The following GRIK3 variants were observed in gnomAD, a reference collection of about 807,000 sequenced individuals.
GRIK3 encodes glutamate receptor ionotropic, kainate 3.
In GRIK3, 29 loss-of-function variants were observed where a neutral mutation model predicts 102.5. The ratio of observed to expected loss-of-function variants is 0.28; its 90% CI spans 0.21 to 0.39. GRIK3 has a LOEUF of 0.39. Ranked by LOEUF, GRIK3 falls within the 10% of genes least tolerant of loss-of-function variation. The pLI, the probability that GRIK3 is intolerant of heterozygous loss-of-function variation, is 1.00. For synonymous variants in GRIK3, 511 were observed against 504.9 expected, an observed-to-expected ratio of 1.01 and a Z score of -0.16; for missense variants, 908 against 1,252.4, an observed-to-expected ratio of 0.73 and a Z score of 4.15.
rs572082116 is a variant in GRIK3 at position 36,819,077 on chromosome 1, A to C, written c.1873+659T>G. Among the ~76,000 whole-genome samples, 1 of 152,328 alleles carries C rather than the reference A, an allele frequency of 6.6e-6. No homozygotes were observed. The highest frequency in any genetic ancestry group is 1.9e-4 in the East Asian group (1 of 5,190). On this transcript the variant is annotated intron_variant, in intron 12 of 15. Coordinates refer to ENST00000373091, the MANE Select transcript of GRIK3 (RefSeq NM_000831.4). This position sits in a 1 kb window ranked among gnomAD's most constrained non-coding sequence, Gnocchi z 4.1. ...TTAGAGCAGGTGCTCTGCTGCAGATAGTTCCAAAGCACATTGGCCCTCCCT... is the reference window on the plus strand; with the variant it reads ...TTAGAGCAGGTGCTCTGCTGCAGATCGTTCCAAAGCACATTGGCCCTCCCT...
chr1:36,915,960 TG>T (rs1446977666), intron 1 of GRIK3, among the ~76,000 whole-genome samples: 1 of 152,088 alleles, frequency 6.6e-6, no homozygotes, highest in African/African-American at 2.4e-5. Flanking sequence ...GGGCAGAGGT[TG>T]GAAAAATTTG....
intron 1 of GRIK3, among the ~76,000 whole-genome samples, chr1:36,975,308 T>TTTTTTTTTTTTTTTTTTTTTTTGTG: frequency 6.7e-6 from 1 of 149,342 alleles, no homozygotes; most frequent in African/African-American, 2.5e-5. Flanking sequence ...TTTTTTTTTT[T>TTTTTTTTTTTTTTTTTTTTTTTGTG]GAGAGGGAGT....
At chr1:36,931,200 A>G (rs746828751) in intron 1 of GRIK3, among the ~76,000 whole-genome samples, 12 of 152,142 alleles carry the variant, frequency 7.9e-5, no homozygotes, top group Non-Finnish European at 1.6e-4. Flanking sequence ...ACCTGAGATG[A>G]CTCTTAATAA....
At chr1:36,992,879 A>T (rs1219867117) in intron 1 of GRIK3, among the ~76,000 whole-genome samples, 1 of 152,188 alleles carries the variant, frequency 6.6e-6, no homozygotes, top group African/African-American at 2.4e-5. Flanking sequence ...TTGGAACTGG[A>T]CAGTCTGATC....
At chr1:36,840,236 A>AG (rs1421000243) in intron 10 of GRIK3, among the ~76,000 whole-genome samples, 3 of 151,808 alleles carry the variant, frequency 2.0e-5, no homozygotes, top group African/African-American at 7.3e-5. Flanking sequence ...AAGGAATCTA[A>AG]GGGGTCCAGT....
intron 1 of GRIK3, among the ~76,000 whole-genome samples, chr1:36,936,114 T>G (rs1022205659): frequency 6.6e-6 from 1 of 152,178 alleles, no homozygotes; most frequent in African/African-American, 2.4e-5. Flanking sequence ...CCACCCCTTC[T>G]TTGTCAAAGA....
At chr1:36,962,040 A>G (rs1395711645) in intron 1 of GRIK3, among the ~76,000 whole-genome samples, 1 of 152,164 alleles carries the variant, frequency 6.6e-6, no homozygotes, top group Non-Finnish European at 1.5e-5. Context: ...GGGAAGACAC[A>G]GAAAAATTCA....
At chr1:37,030,525 C>T (rs1642812325) in intron 1 of GRIK3, among the ~76,000 whole-genome samples, 1 of 137,316 alleles carries the variant, frequency 7.3e-6, no homozygotes, top group Non-Finnish European at 1.5e-5. Context: ...GCCAACCCTT[C>T]CTTTTCCCCA....
intron 1 of GRIK3, among the ~76,000 whole-genome samples, chr1:36,994,020 C>A (rs1000671783): frequency 1.3e-5 from 2 of 152,198 alleles, no homozygotes; most frequent in African/African-American, 4.8e-5. Flanking sequence ...CCACCACAAC[C>A]ACACTTCACC....
At chr1:36,954,106 C>T (rs1244410447) in intron 1 of GRIK3, among the ~76,000 whole-genome samples, 3 of 152,184 alleles carry the variant, frequency 2.0e-5, no homozygotes, top group African/African-American at 7.2e-5. Flanking sequence ...ATCCTTTCCG[C>T]TGGGGAACCA....
At chr1:36,903,765 A>G (rs1431170081) in intron 1 of GRIK3, among the ~76,000 whole-genome samples, 2 of 152,222 alleles carry the variant, frequency 1.3e-5, no homozygotes, top group Non-Finnish European at 2.9e-5. Flanking sequence ...TGGAAAAGGC[A>G]TAACTATGGA....
At chr1:36,989,860 A>G (rs1017253538) in intron 1 of GRIK3, among the ~76,000 whole-genome samples, 1 of 152,170 alleles carries the variant, frequency 6.6e-6, no homozygotes, top group Non-Finnish European at 1.5e-5. Flanking sequence ...CCCCACTTTT[A>G]CTGAGCAATC....
At chr1:36,903,745 A>G (rs1297714876) in intron 1 of GRIK3, among the ~76,000 whole-genome samples, 2 of 152,254 alleles carry the variant, frequency 1.3e-5, no homozygotes, top group East Asian at 1.9e-4. Flanking sequence ...GATTTCAACT[A>G]CTGACATTCT....
chr1:36,823,472 C>CAAAAAAAAAAAAAA (rs71053954), intron 11 of GRIK3, among the ~76,000 whole-genome samples: 1 of 38,098 alleles, frequency 2.6e-5, no homozygotes, highest in East Asian at 1.2e-3. Flanking sequence ...GACTCCGTCT[C>CAAAAAAAAAAAAAA]AAAAAAAAAA....
At chr1:36,989,667 T>C (rs1642344246) in intron 1 of GRIK3, among the ~76,000 whole-genome samples, 1 of 152,082 alleles carries the variant, frequency 6.6e-6, no homozygotes, top group South Asian at 2.1e-4. Flanking sequence ...CCCTGCCCAG[T>C]CTCTCCCGTG....
chr1:36,909,165 C>T (rs1557721606), intron 1 of GRIK3, among the ~76,000 whole-genome samples: 1 of 152,164 alleles, frequency 6.6e-6, no homozygotes, highest in Admixed American at 6.5e-5. Context: ...CGGCTAGTAC[C>T]AGCTTTCAGG....
In GRIK3 at chr1:36,925,484, A is replaced by C. The variant is rs556355371; in HGVS notation, c.116-34388T>G. Among the ~76,000 whole-genome samples the C allele has an allele frequency of 4.6e-5, 7 of 152,390 alleles. No individual in the cohort carries two copies. In the East Asian group the frequency reaches 1.3e-3, roughly 29 times the overall value. On this transcript the variant is annotated intron_variant, in intron 1 of 15. Transcript: ENST00000373091. Reference sequence around the variant, plus strand: ...GTTGATAACAGCATTGGCAGCCACCAGGAGAGAGTGAGCTTTGATCAGGAG... The same window carrying C: ...GTTGATAACAGCATTGGCAGCCACCCGGAGAGAGTGAGCTTTGATCAGGAG...
At chr1:36,982,393 G>A (rs950484267) in intron 1 of GRIK3, among the ~76,000 whole-genome samples, 1 of 152,324 alleles carries the variant, frequency 6.6e-6, no homozygotes, top group Admixed American at 6.5e-5. Flanking sequence ...GGGAGGACAC[G>A]AGTCCTTGGA....
At chr1:36,951,636 G>A (rs905119387) in intron 1 of GRIK3, among the ~76,000 whole-genome samples, 7 of 152,236 alleles carry the variant, frequency 4.6e-5, no homozygotes, top group Non-Finnish European at 1.0e-4. Flanking sequence ...CCAGGTACTT[G>A]AGCCTAAATT....
Sources: gnomAD v4.1 joint callset for allele counts (sites outside exome capture counted in the v4.1 genomes callset) on GRCh38, gnomAD v4.1.1 for gene constraint, Gnocchi (gnomAD v3.1) non-coding constraint, MANE v1.5 for transcripts, NCBI Gene and HGNC (gene_info 2026-07-23, HGNC 2026-07-21) for gene names.